The following SORD variants were observed in gnomAD, a reference collection of about 807,000 sequenced individuals.
SORD encodes (R,R)-butanediol dehydrogenase.
A neutral mutation model predicts 35.6 loss-of-function variants in SORD; 18 were observed. That is an observed-to-expected ratio of 0.51 (90% confidence interval 0.35 to 0.75). SORD has a LOEUF of 0.75. Among genes scored for constraint, SORD ranks in the 30% least tolerant of loss-of-function variants. The pLI is 0.01. For synonymous variants in SORD, 106 were observed against 152.9 expected, an observed-to-expected ratio of 0.69 and a Z score of 2.26; for missense variants, 250 against 390.2, an observed-to-expected ratio of 0.64 and a Z score of 3.03.
intron 7 of SORD, among the ~76,000 whole-genome samples, chr15:45,071,271 G>A (rs900851664): frequency 1.3e-5 from 2 of 152,228 alleles, no homozygotes; most frequent in African/African-American, 2.4e-5. Context: ...ACCAGGTAGA[G>A]AGGAAGTGCT....
At chr15:45,057,362 A>T (rs1001513707) in intron 3 of SORD, among the ~76,000 whole-genome samples, 1 of 152,218 alleles carries the variant, frequency 6.6e-6, no homozygotes, top group Admixed American at 6.5e-5. Flanking sequence ...AATAGTTAAC[A>T]GGGAAACAAC....
chr15:45,035,258 C>G (rs1022644386), intron 1 of SORD, among the ~76,000 whole-genome samples: 1 of 152,296 alleles, frequency 6.6e-6, no homozygotes. Flanking sequence ...CCACCTGCAG[C>G]CCCAGTGCGA....
At chr15:45,040,017 A>G (rs1165462773) in intron 1 of SORD, among the ~76,000 whole-genome samples, 1 of 152,064 alleles carries the variant, frequency 6.6e-6, no homozygotes, top group East Asian at 1.9e-4. Flanking sequence ...CAGCAATTAG[A>G]GTCAGCTCTT....
In SORD at chr15:45,074,677, T is replaced by C. The variant is rs1454236902; in HGVS notation, c.*1147T>C. 2.3e-5 allele frequency: 3 copies of C among 132,904 alleles called. No individual in the cohort carries two copies. Among genetic ancestry groups the C allele is most frequent in the African/African-American group, 4.0e-5 (1 of 25,230 alleles). The allele number at this position is 132,904 out of a possible 1,614,324, so 8.2% of individuals were successfully genotyped here. On this transcript the variant is annotated 3_prime_UTR_variant, in exon 9 of 9. Transcript: ENST00000267814. ...CTATTCATCAAGAATGAGGATATAG[T>C]AGCCATGACATAGCTTGAGCTATAG...
chr15:45,030,930 A>G (rs1362482839), intron 1 of SORD, among the ~76,000 whole-genome samples: 5 of 152,248 alleles, frequency 3.3e-5, no homozygotes, highest in African/African-American at 1.2e-4. Context: ...GCTGACTCCG[A>G]CCAGGAGCCC....
At chr15:45,061,257 G>T in intron 4 of SORD, 31 bp downstream of exon 4, 2 of 1,610,484 alleles carry the variant, frequency 1.2e-6, no homozygotes, top group Non-Finnish European at 1.7e-6. Context: ...TGGGTCACCT[G>T]GGACCTCTTT....
At chr15:45,028,582 G>A (rs1892718474) in intron 1 of SORD, among the ~76,000 whole-genome samples, 1 of 152,208 alleles carries the variant, frequency 6.6e-6, no homozygotes, top group Non-Finnish European at 1.5e-5. Flanking sequence ...TATATGAGGA[G>A]ACAATAAATT....
In SORD at chr15:45,073,609, A is replaced by T; in HGVS notation, c.*79A>T. 1 of 1,454,214 alleles carries T rather than the reference A, an allele frequency of 6.9e-7. No individual in the cohort carries two copies. The highest frequency in any genetic ancestry group is 9.2e-7 in the Non-Finnish European group (1 of 1,085,174). 90.1% of individuals were successfully genotyped at this position (1,454,214 alleles called of 1,614,324 possible). A position where few individuals can be genotyped will look rare whatever the true frequency, so the allele number is the denominator to read the frequency against. ...GCTGGACATGGGTGGGCTCTGATGC[A>T]GAACTTTCTCTTTTGAATGTTAAGA... On this transcript the variant is annotated 3_prime_UTR_variant, in exon 9 of 9. Transcript: ENST00000267814.
At chr15:45,061,616 C>G (rs1300303515) in intron 4 of SORD, among the ~76,000 whole-genome samples, 1 of 151,852 alleles carries the variant, frequency 6.6e-6, no homozygotes, top group Non-Finnish European at 1.5e-5. Context: ...GCCTGTAATC[C>G]CAGCACTTTA....
intron 1 of SORD, among the ~76,000 whole-genome samples, chr15:45,030,752 G>A (rs915046701): frequency 2.0e-5 from 3 of 152,246 alleles, no homozygotes. Context: ...TAACTATCCT[G>A]TGTGGATTCA....
chr15:45,028,476 G>C (rs1455428704), intron 1 of SORD, among the ~76,000 whole-genome samples: 1 of 152,242 alleles, frequency 6.6e-6, no homozygotes, highest in Admixed American at 6.5e-5. Flanking sequence ...TCAGGCAGGA[G>C]CATCTGAACA....
intron 8 of SORD, 103 bp downstream of exon 8, chr15:45,072,541 GGGGCACTCCCT>G: frequency 2.3e-6 from 1 of 437,210 alleles, no homozygotes; most frequent in South Asian, 3.4e-5. Context: ...TTGTTCATGG[GGGGCACTCCCT>G]GGCCACACTG....
intron 1 of SORD, among the ~76,000 whole-genome samples, chr15:45,035,115 C>A (rs565872200): frequency 1.3e-5 from 2 of 152,180 alleles, no homozygotes; most frequent in African/African-American, 2.4e-5. Flanking sequence ...CTGACCCTTC[C>A]CCCGACTCCG....
At chr15:45,041,443 G>C (rs901583675) in intron 2 of SORD, among the ~76,000 whole-genome samples, 20 of 151,852 alleles carry the variant, frequency 1.3e-4, no homozygotes, top group Non-Finnish European at 2.4e-4. Context: ...TTCCCACTTT[G>C]TCCTACCTCA....
chr15:45,061,539 T>C (rs993209280), intron 4 of SORD, among the ~76,000 whole-genome samples: 1 of 152,102 alleles, frequency 6.6e-6, no homozygotes, highest in Admixed American at 6.5e-5. Context: ...TCCTCTGTTA[T>C]TAGTTTCCAC....
At chr15:45,025,921 A>G (rs1276686166) in intron 1 of SORD, among the ~76,000 whole-genome samples, 1 of 152,180 alleles carries the variant, frequency 6.6e-6, no homozygotes, top group Non-Finnish European at 1.5e-5. Flanking sequence ...ATAGTGCCCT[A>G]TGGGGAATTA....
At chr15:45,056,331 T>C (rs1893214739) in intron 3 of SORD, among the ~76,000 whole-genome samples, 1 of 152,002 alleles carries the variant, frequency 6.6e-6, no homozygotes, top group South Asian at 2.1e-4. Flanking sequence ...TCACAAGCAT[T>C]CTTATACACC....
Position 45,040,487 on chromosome 15 carries a change from T to C in SORD, c.100+46T>C, listed in dbSNP as rs368704541. ...ACTTATATTTTATTATTTCCTGTTG[T>C]TTCCTTTGGAGTCACATGTATATTG... is the stretch of plus-strand genomic sequence containing the variant. On this transcript the variant is annotated intron_variant, in intron 2 of 8. Coordinates refer to ENST00000267814, the MANE Select transcript of SORD (RefSeq NM_003104.6). The C allele has an allele frequency of 7.6e-6, 11 of 1,451,130 alleles. No individual in the cohort carries two copies. The African/African-American group carries it at 1.4e-4, about 18-fold the overall frequency. 89.9% of individuals were successfully genotyped at this position (1,451,130 alleles called of 1,614,324 possible).
rs549103466 is a variant in SORD, at chr15:45,068,817, A to T, written c.611-60A>T. On this transcript the variant is annotated intron_variant, in intron 6 of 8. Coordinates refer to ENST00000267814, the MANE Select transcript of SORD (RefSeq NM_003104.6). ...ACATCTCCATTTTCTTTTCTTCCTA[A>T]TGAGTCATCAGATTTCTCTTGTTTG... The T allele has an allele frequency of 2.1e-5, 29 of 1,400,122 alleles. No individual in the cohort carries two copies. In the African/African-American group the frequency reaches 3.9e-4, roughly 19 times the overall value. The allele number at this position is 1,400,122 out of a possible 1,614,324, so 86.7% of individuals were successfully genotyped here.
Sources: gnomAD v4.1 joint callset for allele counts (sites outside exome capture counted in the v4.1 genomes callset) on GRCh38, gnomAD v4.1.1 for gene constraint, MANE v1.5 for transcripts, NCBI Gene and HGNC (gene_info 2026-07-23, HGNC 2026-07-21) for gene names.